DNASE1L3: variants seen among roughly 807,000 people sequenced by gnomAD.
The protein encoded by DNASE1L3 is deoxyribonuclease gamma.
Under a neutral mutation model 30.9 loss-of-function variants are expected in DNASE1L3, and 27 were observed. That is an observed-to-expected ratio of 0.87 (90% CI 0.64 to 1.20). The LOEUF is 1.20. Ranked by LOEUF, DNASE1L3 falls within the 50% of genes most tolerant of loss-of-function variation. The pLI is 0.00. For synonymous variants in DNASE1L3, 135 were observed against 138.0 expected (o/e 0.98, Z 0.15); for missense variants, 364 against 378.2 (o/e 0.96, Z 0.31).
At chr3:58,195,862 A>C (rs1041023967) in intron 6 of DNASE1L3, among the ~76,000 whole-genome samples, 2 of 152,186 alleles carry the variant, frequency 1.3e-5, no homozygotes, top group Non-Finnish European at 2.9e-5. Context: ...CAAAATAAGA[A>C]ATGAATCTTT....
At chr3:58,208,481 T>A (rs2097405518) in intron 1 of DNASE1L3, among the ~76,000 whole-genome samples, 175 bp from the exon 2 acceptor site, 1 of 152,166 alleles carries the variant, frequency 6.6e-6, no homozygotes, top group Non-Finnish European at 1.5e-5. Flanking sequence ...ATGTACATTT[T>A]AAAGAGGAGC....
In DNASE1L3 at chr3:58,204,840, T is replaced by A. The variant is rs1015230177; in HGVS notation, c.362A>T (p.Asp121Val). 1.2e-6 allele frequency: 2 copies of A among 1,614,136 alleles called. No individual in the cohort carries two copies. The highest frequency in any genetic ancestry group is 1.7e-6 in the Non-Finnish European group (2 of 1,180,014). Reference sequence around the variant, plus strand: ...CACATCTGCGTCTCCATCCTGATAGTCATGGTAGTGATAACTCCTCTTCAC... The same window carrying A: ...CACATCTGCGTCTCCATCCTGATAGACATGGTAGTGATAACTCCTCTTCAC... ...VSVKRSYHYH[D>V]YQDGDADVFS... Residue 121 changes from aspartate (D) to valine (V), a missense_variant, in exon 4 of 8, where the codon GAC becomes GTC. By Grantham distance (152) the Asp-to-Val change is radical (BLOSUM62 -3). Transcript: ENST00000394549.
intron 6 of DNASE1L3, among the ~76,000 whole-genome samples, 167 bp from the exon 7 acceptor site, chr3:58,193,606 A>G (rs766086946): frequency 5.9e-5 from 9 of 152,232 alleles, no homozygotes; most frequent in Non-Finnish European, 1.2e-4. Flanking sequence ...GACAGTGCCT[A>G]CAACTGTGAA....
At position 58,208,206 on chromosome 3, in the gene DNASE1L3, T is replaced by G; in HGVS notation, c.230+12A>C. 1 of 1,613,686 alleles carries G rather than the reference T, an allele frequency of 6.2e-7. No individual in the cohort carries two copies. Among genetic ancestry groups the G allele is most frequent in the South Asian group, 1.1e-5 (1 of 91,056 alleles). On this transcript the variant is annotated intron_variant, in intron 2 of 7. Coordinates refer to ENST00000394549, the MANE Select transcript of DNASE1L3 (RefSeq NM_004944.4). ...CCTTGAGCCCTAGAGGGCCCACCCTTCCCCATGTTACCTGTTCAGCTTCTC... is the reference window on the plus strand; with the variant it reads ...CCTTGAGCCCTAGAGGGCCCACCCTGCCCCATGTTACCTGTTCAGCTTCTC...
intron 3 of DNASE1L3, 112 bp downstream of exon 3, chr3:58,205,359 A>T: frequency 4.2e-6 from 4 of 944,194 alleles, no homozygotes; most frequent in Non-Finnish European, 6.9e-6. Context: ...ATTTTGATGA[A>T]CACTGAGAAT....
chr3:58,196,350 C>G (rs910926938), intron 6 of DNASE1L3, among the ~76,000 whole-genome samples: 5 of 150,890 alleles, frequency 3.3e-5, no homozygotes, highest in Admixed American at 1.3e-4. Context: ...CAAGACCATC[C>G]TGGGTAACAT....
chr3:58,196,679 C>A (rs867164264), intron 6 of DNASE1L3, among the ~76,000 whole-genome samples: 7 of 151,906 alleles, frequency 4.6e-5, no homozygotes, highest in Non-Finnish European at 8.8e-5. Context: ...TGGCCACCAC[C>A]TGGGACCAGG....
chr3:58,207,314 G>A (rs1332603597), intron 2 of DNASE1L3, among the ~76,000 whole-genome samples: 1 of 152,150 alleles, frequency 6.6e-6, no homozygotes, highest in East Asian at 1.9e-4. Flanking sequence ...AAAGGTTGCA[G>A]TGAGCCGAGA....
intron 2 of DNASE1L3, 113 bp downstream of exon 2, chr3:58,208,105 G>A (rs1247719905): frequency 3.0e-6 from 3 of 1,000,428 alleles, no homozygotes; most frequent in South Asian, 1.5e-5. Flanking sequence ...AACACTGGCT[G>A]TGTGAACTGG....
intron 5 of DNASE1L3, among the ~76,000 whole-genome samples, chr3:58,199,962 G>A (rs2097399602): frequency 1.3e-5 from 2 of 152,174 alleles, no homozygotes; most frequent in Admixed American, 6.5e-5. Context: ...CTCAAGAGGA[G>A]GAAGGGGGAT....
chr3:58,205,364 G>A (rs1230031243), intron 3 of DNASE1L3, 107 bp downstream of exon 3: 2 of 985,840 alleles, frequency 2.0e-6, no homozygotes, highest in Admixed American at 1.8e-5. Context: ...GATGAACACT[G>A]AGAATTGGTT....
At chr3:58,196,775 T>C (rs558029689) in intron 6 of DNASE1L3, among the ~76,000 whole-genome samples, 1 of 152,164 alleles carries the variant, frequency 6.6e-6, no homozygotes, top group East Asian at 1.9e-4. Flanking sequence ...TCTGTCCCCA[T>C]TGAAGGAGCA....
rs199960186 is a variant in DNASE1L3 at position 58,210,911 on chromosome 3, G to A, written c.-5C>T. 1 of 1,613,508 alleles carries A rather than the reference G, an allele frequency of 6.2e-7. No individual in the cohort carries two copies. The highest frequency in any genetic ancestry group is 1.3e-5 in the African/African-American group (1 of 75,010). On this transcript the variant is annotated 5_prime_UTR_variant, in exon 1 of 8. Transcript: ENST00000394549. ...TGGGGCCAGCTCCCGTGACATCCTG[G>A]CGCTGCTCTGGCTTCAAGACTCTGT...
rs777161573 is a variant in DNASE1L3 at position 58,200,991 on chromosome 3, C to A, written c.546+6G>T. 7 of 1,610,468 alleles carry A rather than the reference C, an allele frequency of 4.3e-6. No individual in the cohort carries two copies. The highest frequency in any genetic ancestry group is 5.9e-6 in the Non-Finnish European group (7 of 1,177,772). The stretch of plus-strand genomic sequence containing the variant: ...ATGGGAATTCGTCTGACACAGCAGT[C>A]CTCACCTCCGCCTTCCAGCGGTGTT... On this transcript the variant is annotated splice_donor_region_variant and intron_variant, in intron 5 of 7. Coordinates refer to ENST00000394549, the MANE Select transcript of DNASE1L3 (RefSeq NM_004944.4). This position sits in a 1 kb window ranked among gnomAD's most constrained non-coding sequence, Gnocchi z 4.2.
intron 4 of DNASE1L3, among the ~76,000 whole-genome samples, chr3:58,201,900 AT>A (rs943588872): frequency 1.3e-5 from 2 of 152,210 alleles, no homozygotes; most frequent in African/African-American, 4.8e-5. Flanking sequence ...AAAACTTTTT[AT>A]CTGAATGTTG....
chr3:58,197,891 T>TG lies in DNASE1L3; in HGVS notation c.633dup (p.Arg212GlnfsTer23). The TG allele has an allele frequency of 6.2e-7, 1 of 1,614,168 alleles. No individual in the cohort carries two copies. Among genetic ancestry groups the TG allele is most frequent in the Non-Finnish European group, 8.5e-7 (1 of 1,180,022 alleles). On this transcript the variant is annotated frameshift_variant, in exon 6 of 8. Coordinates refer to ENST00000394549, the MANE Select transcript of DNASE1L3 (RefSeq NM_004944.4). LOFTEE classifies it high-confidence loss of function. This position sits in a 1 kb window ranked among gnomAD's most constrained non-coding sequence, Gnocchi z 5.3. Reference sequence around the variant, plus strand: ...TGGTCCCCGATCAGCCAAACAAACCTGGGGTCAGTCCTCAAGCGGATGTTC... The same window carrying TG: ...TGGTCCCCGATCAGCCAAACAAACCTGGGGGTCAGTCCTCAAGCGGATGTTC...
chr3:58,194,923 C>T lies in DNASE1L3; in HGVS notation c.705-1484G>A, dbSNP rs115459697. On this transcript the variant is annotated intron_variant, in intron 6 of 7. Coordinates refer to ENST00000394549, the MANE Select transcript of DNASE1L3 (RefSeq NM_004944.4). Reference sequence around the variant, plus strand: ...GATTACAGGTGTGAGCCACCACGCCCGGCCCGGGCTACGGCTTTTAATTCA... The same window carrying T: ...GATTACAGGTGTGAGCCACCACGCCTGGCCCGGGCTACGGCTTTTAATTCA... Among the ~76,000 whole-genome samples the T allele has an allele frequency of 2.3e-3, 354 of 152,132 alleles. 3 individuals carry two copies. Among genetic ancestry groups the T allele is most frequent in the African/African-American group, 7.5e-3 (313 of 41,512 alleles).
At chr3:58,198,073 TA>T in intron 5 of DNASE1L3, 95 bp from the exon 6 acceptor site, 1 of 1,379,756 alleles carries the variant, frequency 7.2e-7, no homozygotes. Context: ...CCAGGCCCAG[TA>T]AACAACAGGG....
At chr3:58,210,666 C>A in intron 1 of DNASE1L3, 100 bp downstream of exon 1, 2 of 1,570,064 alleles carry the variant, frequency 1.3e-6, no homozygotes, top group South Asian at 1.2e-5. Flanking sequence ...TACATTCCCC[C>A]TAAGGGCCAA....
Sources: allele counts gnomAD v4.1 joint callset (sites outside exome capture counted in the v4.1 genomes callset), GRCh38; gene constraint gnomAD v4.1.1; non-coding constraint Gnocchi (gnomAD v3.1); transcripts MANE v1.5; gene names NCBI Gene and HGNC (gene_info 2026-07-23, HGNC 2026-07-21).